SPMIP7: variants seen among roughly 807,000 people sequenced by gnomAD.
SPMIP7 encodes sperm microtubule inner protein 7, also known as protein SPMIP7.
chr7:50,140,231 G>A, the SPMIP7 span: 11 of 1,186,408 alleles, frequency 9.3e-6, no homozygotes, highest in African/African-American at 3.2e-5. Flanking sequence ...TTATATTTTG[G>A]TTGTAGTTGC....
chr7:50,133,061 G>A, the SPMIP7 span, among the ~76,000 whole-genome samples: 2 of 152,108 alleles, frequency 1.3e-5, no homozygotes, highest in Non-Finnish European at 2.9e-5. Flanking sequence ...GTGTGAATAG[G>A]GCAGGAGAAG....
chr7:50,123,395 C>T, the SPMIP7 span, among the ~76,000 whole-genome samples: 7 of 125,384 alleles, frequency 5.6e-5, no homozygotes, highest in African/African-American at 1.5e-4. Context: ...GGAAGGGGTA[C>T]ATCACACTCT....
the SPMIP7 span, among the ~76,000 whole-genome samples, chr7:50,158,768 C>T: frequency 3.9e-5 from 6 of 152,088 alleles, no homozygotes; most frequent in Non-Finnish European, 5.9e-5. Flanking sequence ...CTCTCCCCAG[C>T]GTGCCCTGGG....
chr7:50,104,238 A>T, the SPMIP7 span: 1 of 610,368 alleles, frequency 1.6e-6, no homozygotes, highest in Non-Finnish European at 2.8e-6. Context: ...AGCTTCTAAT[A>T]GTAAATATTT....
At chr7:50,142,661 T>A in the SPMIP7 span, 1 of 152,170 alleles carries the variant, frequency 6.6e-6, no homozygotes, top group African/African-American at 2.4e-5. Flanking sequence ...ATATAACATA[T>A]CAAATAACGT....
chr7:50,147,197 G>C, the SPMIP7 span, among the ~76,000 whole-genome samples: 1 of 152,182 alleles, frequency 6.6e-6, no homozygotes, highest in Admixed American at 6.5e-5. Flanking sequence ...ATATAGAATG[G>C]CTCTAAATAA....
At chr7:50,144,704 A>G in the SPMIP7 span, among the ~76,000 whole-genome samples, 1 of 152,158 alleles carries the variant, frequency 6.6e-6, no homozygotes, top group Non-Finnish European at 1.5e-5. Flanking sequence ...GGAACTCAAA[A>G]TGTTAACGCA....
At chr7:50,112,631 T>C in the SPMIP7 span, among the ~76,000 whole-genome samples, 1 of 152,102 alleles carries the variant, frequency 6.6e-6, no homozygotes, top group Non-Finnish European at 1.5e-5. Context: ...TTATAAAAAA[T>C]AATCATTTCC....
chr7:50,152,929 C>G, the SPMIP7 span, among the ~76,000 whole-genome samples: 6 of 152,048 alleles, frequency 3.9e-5, no homozygotes, highest in Admixed American at 2.6e-4. Context: ...TCAAGTGATG[C>G]TCCCGCCTTG....
At chr7:50,136,834 G>A in the SPMIP7 span, among the ~76,000 whole-genome samples, 5 of 151,914 alleles carry the variant, frequency 3.3e-5, no homozygotes, top group Non-Finnish European at 5.9e-5. Context: ...CACAACACAG[G>A]TTATCATCTT....
the SPMIP7 span, among the ~76,000 whole-genome samples, chr7:50,112,898 G>A: frequency 2.0e-5 from 3 of 151,328 alleles, no homozygotes; most frequent in African/African-American, 7.3e-5. Context: ...GAGCAGTGGG[G>A]CTTTGGAGAT....
At chr7:50,133,794 A>AGCTT in the SPMIP7 span, among the ~76,000 whole-genome samples, 1 of 152,084 alleles carries the variant, frequency 6.6e-6, no homozygotes, top group Non-Finnish European at 1.5e-5. Flanking sequence ...TCTTTTTTAG[A>AGCTT]GCTTGCTTGC....
the SPMIP7 span, among the ~76,000 whole-genome samples, chr7:50,124,349 A>G: frequency 6.6e-6 from 1 of 152,180 alleles, no homozygotes; most frequent in Non-Finnish European, 1.5e-5. Flanking sequence ...AACAACTAAT[A>G]AATACATAGA....
the SPMIP7 span, among the ~76,000 whole-genome samples, chr7:50,100,446 G>A: frequency 6.6e-6 from 1 of 152,230 alleles, no homozygotes; most frequent in East Asian, 1.9e-4. Flanking sequence ...TTTATTAATT[G>A]GGGAGAGGAA....
the SPMIP7 span, among the ~76,000 whole-genome samples, chr7:50,125,115 T>TATATATATATATATATATATATACAC: frequency 3.9e-5 from 1 of 25,420 alleles, no homozygotes; most frequent in African/African-American, 2.1e-4. Flanking sequence ...TATATATATA[T>TATATATATATATATATATATATACAC]ACACACACAC....
the SPMIP7 span, chr7:50,104,196 C>A: frequency 9.2e-5 from 40 of 432,994 alleles, no homozygotes; most frequent in South Asian, 1.9e-3. Flanking sequence ...ATTAAATAAT[C>A]CATTAAAAAA....
At chr7:50,158,165 C>A in the SPMIP7 span, among the ~76,000 whole-genome samples, 4 of 150,646 alleles carry the variant, frequency 2.7e-5, no homozygotes, top group Non-Finnish European at 5.9e-5. Flanking sequence ...AGGACCCCCA[C>A]CCATGTCTTC....
the SPMIP7 span, among the ~76,000 whole-genome samples, chr7:50,114,023 C>T: frequency 2.0e-5 from 3 of 151,746 alleles, no homozygotes; most frequent in Non-Finnish European, 4.4e-5. Context: ...TTTTAAGTAA[C>T]AAAAACAAAT....
At chr7:50,158,055 G>C in the SPMIP7 span, among the ~76,000 whole-genome samples, 1 of 152,114 alleles carries the variant, frequency 6.6e-6, no homozygotes, top group Non-Finnish European at 1.5e-5. Context: ...CTGTACACCC[G>C]GCCTTGTTCA....
Sources: allele counts gnomAD v4.1 joint callset (sites outside exome capture counted in the v4.1 genomes callset), GRCh38; gene constraint gnomAD v4.1.1; transcripts MANE v1.5; gene names NCBI Gene and HGNC (gene_info 2026-07-23, HGNC 2026-07-21).